The following OTC variants were observed in gnomAD, a reference collection of about 807,000 sequenced individuals.
The protein encoded by OTC is ornithine transcarbamylase, also known as ornithine transcarbamylase, mitochondrial.
In OTC, 3 loss-of-function variants were observed where a neutral mutation model predicts 30.3. The observed-to-expected ratio is 0.10, with a 90% CI of 0.05 to 0.26. OTC has a LOEUF of 0.26. Ranked by LOEUF, OTC falls within the 10% of genes least tolerant of loss-of-function variation. The probability of loss-of-function intolerance (pLI) is 1.00; values close to 1 mark genes in which losing one functional copy is unlikely to be tolerated. For missense variants in OTC, 194 were observed against 260.3 expected (o/e 0.75, Z 1.75); for synonymous variants, 111 against 99.7 (o/e 1.11, Z -0.67).
At chrX:38,385,911 A>G (rs1025421737) in intron 4 of OTC, among the ~76,000 whole-genome samples, 5 of 110,825 alleles carry the variant, frequency 4.5e-5, no homozygotes, top group Admixed American at 1.9e-4. Flanking sequence ...CCTGGCCAAC[A>G]TGGTGAAACC....
chrX:38,385,234 C>T (rs1052648095), intron 4 of OTC, among the ~76,000 whole-genome samples: 3 of 112,013 alleles, frequency 2.7e-5, no homozygotes, highest in Non-Finnish European at 5.6e-5. Context: ...TGTGCCACTG[C>T]ACTCCAGCCT....
intron 2 of OTC, among the ~76,000 whole-genome samples, chrX:38,369,594 C>T (rs1452592165): frequency 9.2e-6 from 1 of 108,900 alleles, no homozygotes; most frequent in African/African-American, 3.4e-5. Context: ...CTCCTGACCT[C>T]AGGTGATCCA....
chrX:38,392,298 T>C (rs1323701341), intron 4 of OTC, among the ~76,000 whole-genome samples: 1 of 112,128 alleles, frequency 8.9e-6, no homozygotes, highest in Non-Finnish European at 1.9e-5. Flanking sequence ...CAAACAGTAC[T>C]GTATATATTA....
chrX:38,398,852 C>G (rs1465297730), intron 4 of OTC, among the ~76,000 whole-genome samples: 2 of 111,678 alleles, frequency 1.8e-5, no homozygotes, highest in Non-Finnish European at 3.8e-5. Flanking sequence ...TAGTTCTTCA[C>G]TTAGTTCCGA....
At chrX:38,338,902 A>G in the OTC span, among the ~76,000 whole-genome samples, 8 of 111,560 alleles carry the variant, frequency 7.2e-5, no homozygotes, top group African/African-American at 2.6e-4. Context: ...ATCTCATCTC[A>G]CTGCCTCTTT....
chrX:38,412,191 G>A (rs2068547728), intron 9 of OTC, among the ~76,000 whole-genome samples, 192 bp downstream of exon 9: 1 of 111,877 alleles, frequency 8.9e-6, no homozygotes, highest in Admixed American at 9.5e-5. Flanking sequence ...TTTGCATGGA[G>A]TGAGATTAAT....
chrX:38,404,276 A>G (rs1190597176), intron 6 of OTC, among the ~76,000 whole-genome samples: 2 of 112,254 alleles, frequency 1.8e-5, no homozygotes, highest in Non-Finnish European at 3.8e-5. Flanking sequence ...TGACCCCTGC[A>G]TACTTCCTAC....
At chrX:38,328,835 C>T in the OTC span, among the ~76,000 whole-genome samples, 48 of 111,646 alleles carry the variant, frequency 4.3e-4, no homozygotes, top group African/African-American at 1.6e-3. Context: ...GTCAGGATGG[C>T]TTGGAGTACA....
chrX:38,349,806 C>T (rs2068205560), upstream of OTC, among the ~76,000 whole-genome samples: 1 of 111,767 alleles, frequency 8.9e-6, no homozygotes, highest in Non-Finnish European at 1.9e-5. Context: ...AGGGGAAGAC[C>T]GAATGCCAAG....
chrX:38,368,895 C>T (rs768044416), intron 2 of OTC, among the ~76,000 whole-genome samples: 15 of 107,635 alleles, frequency 1.4e-4, no homozygotes, highest in Admixed American at 1.2e-3. Context: ...CTATTTGTTC[C>T]AGAATTCCTT....
intron 4 of OTC, among the ~76,000 whole-genome samples, chrX:38,397,448 G>A (rs771138823): frequency 1.8e-5 from 2 of 111,555 alleles, no homozygotes; most frequent in Non-Finnish European, 3.8e-5. Flanking sequence ...ATCCTCTAAT[G>A]GTTTCTGGTT....
At chrX:38,333,832 A>G in the OTC span, among the ~76,000 whole-genome samples, 1 of 112,476 alleles carries the variant, frequency 8.9e-6, no homozygotes, top group Non-Finnish European at 1.9e-5. Flanking sequence ...TGTCTCTACA[A>G]ACTCCGCTGG....
chrX:38,366,346 A>G (rs914550676), intron 1 of OTC, among the ~76,000 whole-genome samples: 1 of 111,684 alleles, frequency 9.0e-6, no homozygotes, highest in African/African-American at 3.3e-5. Context: ...TCTTTGAGGT[A>G]GTAAAATAAG....
chrX:38,367,604 A>G (rs1225452961), intron 2 of OTC, among the ~76,000 whole-genome samples, 175 bp downstream of exon 2: 1 of 112,338 alleles, frequency 8.9e-6, no homozygotes, highest in African/African-American at 3.2e-5. Context: ...ACAAAAAAGC[A>G]TAAAAATCAG....
the OTC span, among the ~76,000 whole-genome samples, chrX:38,344,815 C>T: frequency 5.5e-5 from 6 of 110,030 alleles, no homozygotes; most frequent in African/African-American, 2.0e-4. Context: ...TTGCAAGTTA[C>T]ATATCCAATA....
At chrX:38,345,626 C>G in the OTC span, among the ~76,000 whole-genome samples, 1 of 109,715 alleles carries the variant, frequency 9.1e-6, no homozygotes, top group Non-Finnish European at 1.9e-5. Flanking sequence ...CTGCAACCTC[C>G]GCCTCCTGGG....
chrX:38,403,848 G>A, intron 6 of OTC, 108 bp downstream of exon 6: 1 of 889,130 alleles, frequency 1.1e-6, no homozygotes, highest in Non-Finnish European at 1.6e-6. Flanking sequence ...GCACAGGTGA[G>A]GCCACAGAAT....
chrX:38,330,587 A>G, the OTC span, among the ~76,000 whole-genome samples: 2 of 112,281 alleles, frequency 1.8e-5, no homozygotes, highest in Non-Finnish European at 1.9e-5. Flanking sequence ...CGTCAGTTCC[A>G]GAGCCACATT....
the OTC span, among the ~76,000 whole-genome samples, chrX:38,345,715 A>G: frequency 9.1e-6 from 1 of 109,539 alleles, no homozygotes; most frequent in African/African-American, 3.3e-5. Flanking sequence ...TAATTTTTGT[A>G]TCCTTAGTAG....
Sources: gnomAD v4.1 joint callset for allele counts (sites outside exome capture counted in the v4.1 genomes callset) on GRCh38, gnomAD v4.1.1 for gene constraint, MANE v1.5 for transcripts, NCBI Gene and HGNC (gene_info 2026-07-23, HGNC 2026-07-21) for gene names.